Variants in PSD3 observed in about 807,000 individuals in gnomAD.
PSD3 encodes the protein pleckstrin and Sec7 domain containing 3, also known as PH and SEC7 domain-containing protein 3.
In PSD3, 49 loss-of-function variants were observed where a neutral mutation model predicts 105.5. That is an observed-to-expected ratio of 0.46 (90% confidence interval 0.37 to 0.59). The LOEUF is 0.59. PSD3 is among the 20% of genes least tolerant of loss of function. The probability of loss-of-function intolerance (pLI) is 0.00; values close to 1 mark genes in which losing one functional copy is unlikely to be tolerated. For synonymous variants in PSD3, 557 were observed against 457.8 expected (o/e 1.22, Z -2.77); for missense variants, 1,561 against 1,263.8 (o/e 1.24, Z -3.57).
chr8:18,823,237 CA>C (rs550463359), intron 4 of PSD3, among the ~76,000 whole-genome samples: 418 of 152,230 alleles, frequency 2.7e-3, no homozygotes, highest in African/African-American at 9.6e-3. Flanking sequence ...TGCACTTTGG[CA>C]CCATTCTTCA....
At chr8:18,734,839 T>G (rs562815787) in intron 9 of PSD3, among the ~76,000 whole-genome samples, 12 of 152,292 alleles carry the variant, frequency 7.9e-5, no homozygotes, top group African/African-American at 2.4e-4. Context: ...TTAAATCATT[T>G]TTTCTCAAGC....
intron 1 of PSD3, among the ~76,000 whole-genome samples, chr8:19,075,307 T>C (rs1829431495): frequency 6.6e-6 from 1 of 152,232 alleles, no homozygotes; most frequent in African/African-American, 2.4e-5. Context: ...TCTTACTCAG[T>C]TGGCCAGGCT....
intron 9 of PSD3, among the ~76,000 whole-genome samples, chr8:18,692,058 G>A (rs1801002467): frequency 6.6e-6 from 1 of 152,094 alleles, no homozygotes; most frequent in Non-Finnish European, 1.5e-5. Flanking sequence ...ATAATGTCAA[G>A]CCATATTTAG....
At chr8:18,617,729 G>A (rs577289898) in intron 11 of PSD3, among the ~76,000 whole-genome samples, 1 of 152,150 alleles carries the variant, frequency 6.6e-6, no homozygotes, top group Non-Finnish European at 1.5e-5. Context: ...TTGGAGTTTA[G>A]GCACAACTGA....
rs752746205 is a variant in PSD3 at position 18,572,554 on chromosome 8, G to A, written c.2758C>T (p.Pro920Ser). ...TGAGACAGTTTTGTTGTAGTGGCAGGCAGAAGTGGGCGGCTAAACTTCTTC... is the reference window on the plus strand; with the variant it reads ...TGAGACAGTTTTGTTGTAGTGGCAGACAGAAGTGGGCGGCTAAACTTCTTC... ...SQKKFSRPLLPATTTKLSQEE... is the reference protein window; with the variant it reads ...SQKKFSRPLLSATTTKLSQEE... The change falls in exon 14 of 16, where the codon CCT becomes TCT. Residue 920 changes from proline (P) to serine (S), a missense_variant. Pro to Ser is a moderately conservative substitution (Grantham distance 74, BLOSUM62 -1). Transcript: ENST00000327040. The A allele has an allele frequency of 6.2e-7, 1 of 1,613,990 alleles. No homozygotes were observed. The highest frequency in any genetic ancestry group is 1.1e-5 in the South Asian group (1 of 91,048).
At chr8:19,077,471 G>A (rs1245672383) in intron 1 of PSD3, among the ~76,000 whole-genome samples, 2 of 152,092 alleles carry the variant, frequency 1.3e-5, no homozygotes, top group Non-Finnish European at 2.9e-5. Context: ...GAAGGAAGGT[G>A]GACGTCCTTA....
At chr8:18,946,491 G>A (rs950932151) in intron 1 of PSD3, among the ~76,000 whole-genome samples, 1 of 152,152 alleles carries the variant, frequency 6.6e-6, no homozygotes, top group Non-Finnish European at 1.5e-5. Context: ...TGAGGGAGGA[G>A]AATCACTTGA....
chr8:18,915,017 C>A (rs548527625), intron 2 of PSD3, among the ~76,000 whole-genome samples: 1 of 151,172 alleles, frequency 6.6e-6, no homozygotes, highest in South Asian at 2.1e-4. Context: ...ACCAATGGAA[C>A]AGAATAGGAA....
chr8:18,692,815 T>C (rs568482530), intron 9 of PSD3, among the ~76,000 whole-genome samples: 2 of 152,290 alleles, frequency 1.3e-5, no homozygotes, highest in South Asian at 2.1e-4. Flanking sequence ...CTATATTATA[T>C]AGATGTTATT....
intron 1 of PSD3, among the ~76,000 whole-genome samples, chr8:19,083,065 A>T (rs557558215): frequency 6.6e-6 from 1 of 152,120 alleles, no homozygotes; most frequent in African/African-American, 2.4e-5. Context: ...GGCCCCTGCC[A>T]GATGCTGTGA....
At chr8:18,583,887 A>G (rs1184009917) in intron 12 of PSD3, among the ~76,000 whole-genome samples, 2 of 152,168 alleles carry the variant, frequency 1.3e-5, no homozygotes, top group African/African-American at 4.8e-5. Context: ...ATTCTAGAAG[A>G]CGGGCAAAGT....
At chr8:18,648,913 G>C (rs1241685650) in intron 10 of PSD3, among the ~76,000 whole-genome samples, 1 of 152,260 alleles carries the variant, frequency 6.6e-6, no homozygotes, top group Non-Finnish European at 1.5e-5. Flanking sequence ...ATGGCGTTAA[G>C]CCTATGGGTA....
At chr8:18,878,901 G>A (rs987374319) in intron 2 of PSD3, among the ~76,000 whole-genome samples, 4 of 152,102 alleles carry the variant, frequency 2.6e-5, no homozygotes, top group African/African-American at 9.7e-5. Flanking sequence ...GACTGCTGAA[G>A]CTGTATTTAT....
chr8:18,634,950 C>CT (rs1807152554), intron 10 of PSD3, among the ~76,000 whole-genome samples: 2 of 152,120 alleles, frequency 1.3e-5, no homozygotes, highest in South Asian at 4.1e-4. Context: ...TACCCACTAA[C>CT]TTTATCTTGT....
At chr8:18,808,595 A>C (rs1217415815) in intron 4 of PSD3, among the ~76,000 whole-genome samples, 1 of 152,196 alleles carries the variant, frequency 6.6e-6, no homozygotes, top group Admixed American at 6.5e-5. Flanking sequence ...CTTCTTCAAA[A>C]AGGTTTCAGT....
At chr8:18,623,094 A>C (rs1806233135) in intron 11 of PSD3, among the ~76,000 whole-genome samples, 1 of 152,250 alleles carries the variant, frequency 6.6e-6, no homozygotes, top group Non-Finnish European at 1.5e-5. Context: ...CATATGGTCC[A>C]GGCTGGTCTT....
At chr8:18,866,992 G>C (rs956817240) in intron 4 of PSD3, among the ~76,000 whole-genome samples, 2 of 151,938 alleles carry the variant, frequency 1.3e-5, no homozygotes, top group East Asian at 3.9e-4. Context: ...ATGAAACGCT[G>C]GATAATCCAT....
chr8:18,605,828 AC>A (rs1804787109), intron 11 of PSD3, among the ~76,000 whole-genome samples: 1 of 150,960 alleles, frequency 6.6e-6, no homozygotes, highest in Non-Finnish European at 1.5e-5. Context: ...AGTGTGGAGC[AC>A]CCCCCTTCTC....
chr8:18,941,364 C>T (rs1822526465), intron 1 of PSD3, among the ~76,000 whole-genome samples: 1 of 152,180 alleles, frequency 6.6e-6, no homozygotes, highest in Admixed American at 6.5e-5. Context: ...CTCAGCTCTC[C>T]TTGAATTCTG....
Sources: gnomAD v4.1 joint callset for allele counts (sites outside exome capture counted in the v4.1 genomes callset) on GRCh38, gnomAD v4.1.1 for gene constraint, MANE v1.5 for transcripts, NCBI Gene and HGNC (gene_info 2026-07-23, HGNC 2026-07-21) for gene names.